The following GPR137B variants were observed in gnomAD, a reference collection of about 807,000 sequenced individuals.
GPR137B encodes G protein-coupled receptor 137B.
Under a neutral mutation model 42.5 loss-of-function variants are expected in GPR137B, and 42 were observed. That is an observed-to-expected ratio of 0.99 (90% confidence interval 0.77 to 1.28). GPR137B has a LOEUF of 1.28. Ranked by LOEUF, GPR137B falls within the 50% of genes most tolerant of loss-of-function variation. GPR137B has a pLI of 0.00. For synonymous variants in GPR137B, 218 were observed against 209.7 expected, an observed-to-expected ratio of 1.04 and a Z score of -0.34; for missense variants, 487 against 493.9, an observed-to-expected ratio of 0.99 and a Z score of 0.13.
rs1460377174 is a variant in GPR137B at position 236,186,272 on chromosome 1, T to TAAATA, written c.966+2367_966+2368insAATAA. Among the ~76,000 whole-genome samples the TAAATA allele has an allele frequency of 6.2e-4, 46 of 74,158 alleles. 11 individuals are homozygous for TAAATA. The highest frequency in any genetic ancestry group is 1.8e-3 in the African/African-American group (33 of 18,496). The allele number at this position is 74,158 out of a possible 152,430, so 48.7% of individuals were successfully genotyped here. A position where few individuals can be genotyped will look rare whatever the true frequency, so the allele number is the denominator to read the frequency against. On this transcript the variant is annotated intron_variant, in intron 5 of 6. Transcript: ENST00000366592. ...AATATATAATATATATTATATATTATATATAATAATATAAATAATATATAA... is the reference window on the plus strand; with the variant it reads ...AATATATAATATATATTATATATTATAAATAATATAATAATATAAATAATATATAA...
rs1195717699 is a variant in GPR137B, at chr1:236,186,251, T to TAA, written c.966+2346_966+2347insAA. 1.0e-3 allele frequency among the ~76,000 whole-genome samples: 41 copies of TAA among 41,186 alleles called. 1 individual carries two copies. The highest frequency in any genetic ancestry group is 1.4e-3 in the Non-Finnish European group (30 of 22,040). The allele number at this position is 41,186 out of a possible 152,430, so 27.0% of individuals were successfully genotyped here. A position where few individuals can be genotyped will look rare whatever the true frequency, so the allele number is the denominator to read the frequency against. ...ATAATATATAATAATATAAATAATA[T>TAA]ATAATATATATTATATATTATATAT... is the stretch of plus-strand genomic sequence containing the variant. On this transcript the variant is annotated intron_variant, in intron 5 of 6. Coordinates refer to ENST00000366592, the MANE Select transcript of GPR137B (RefSeq NM_003272.4).
At position 236,173,342 on chromosome 1, in the gene GPR137B, AAGAG is replaced by A. The variant is rs372090520; in HGVS notation, c.464+4597_464+4600del. Among the ~76,000 whole-genome samples the A allele has an allele frequency of 5.4e-5, 8 of 148,812 alleles. No homozygotes were observed. The East Asian group carries it at 6.0e-4, about 11-fold the overall frequency. The stretch of plus-strand genomic sequence containing the variant: ...AGGATGAAAGGAAGGGAGGGAGGGA[AAGAG>A]AGAGAGAGAAAGGAAGAAACGAAGG... On this transcript the variant is annotated intron_variant, in intron 2 of 6. Coordinates refer to ENST00000366592, the MANE Select transcript of GPR137B (RefSeq NM_003272.4).
intron 4 of GPR137B, among the ~76,000 whole-genome samples, chr1:236,182,933 T>C (rs988635165): frequency 3.9e-5 from 6 of 151,990 alleles, no homozygotes; most frequent in African/African-American, 1.5e-4. Flanking sequence ...AAAGAACACA[T>C]GATGGAGATG....
intron 5 of GPR137B, among the ~76,000 whole-genome samples, chr1:236,187,404 C>G (rs1465374661): frequency 1.3e-5 from 2 of 152,054 alleles, no homozygotes; most frequent in African/African-American, 4.8e-5. Flanking sequence ...AAGTCTTTGC[C>G]CATGCCTATG....
At chr1:236,207,096 C>CTT in intron 6 of GPR137B, 2 of 974,076 alleles carry the variant, frequency 2.1e-6, no homozygotes, top group Non-Finnish European at 2.4e-6. Context: ...CTTTAGAAAA[C>CTT]TTTTTAAGAG....
chr1:236,180,671 G>A (rs984622048), intron 4 of GPR137B, among the ~76,000 whole-genome samples: 2 of 123,054 alleles, frequency 1.6e-5, no homozygotes, highest in South Asian at 2.5e-4. Context: ...TTTCACTCTT[G>A]TTGCCCAGGC....
chr1:236,201,009 T>C (rs1386781655), intron 5 of GPR137B, among the ~76,000 whole-genome samples: 1 of 152,020 alleles, frequency 6.6e-6, no homozygotes, highest in Non-Finnish European at 1.5e-5. Flanking sequence ...TTTTAGCATT[T>C]CTTGTAGTGC....
chr1:236,168,734 C>G lies in GPR137B; in HGVS notation c.443C>G (p.Ser148Cys), dbSNP rs376888083. 1.2e-4 allele frequency: 190 copies of G among 1,611,724 alleles called. No individual in the cohort carries two copies. Among genetic ancestry groups the G allele is most frequent in the Non-Finnish European group, 1.4e-4 (169 of 1,177,910 alleles). The change falls in exon 2 of 7, where the codon TCT becomes TGT. Residue 148 changes from serine to cysteine, a missense_variant. Coordinates refer to ENST00000366592, the MANE Select transcript of GPR137B (RefSeq NM_003272.4). ...ATTTTCAAAGCCAAGTCAAAATATTCTCCAGAATTACTCAAATACCGGTAA... is the reference window on the plus strand; with the variant it reads ...ATTTTCAAAGCCAAGTCAAAATATTGTCCAGAATTACTCAAATACCGGTAA... ...QVIFKAKSKY[S>C]PELLKYRLPL...
intron 5 of GPR137B, among the ~76,000 whole-genome samples, chr1:236,193,886 TTTATC>T (rs1663264539): frequency 6.6e-6 from 1 of 152,210 alleles, no homozygotes; most frequent in Admixed American, 6.5e-5. Flanking sequence ...GTCCACTGTA[TTTATC>T]TTTTGTTGCT....
chr1:236,178,661 C>T lies in GPR137B; in HGVS notation c.687+25C>T, dbSNP rs1239837125. 4 of 1,385,030 alleles carry T rather than the reference C, an allele frequency of 2.9e-6. No homozygotes were observed. The South Asian group carries it at 3.5e-5, about 12-fold the overall frequency. 85.8% of individuals were successfully genotyped at this position (1,385,030 alleles called of 1,614,324 possible). On this transcript the variant is annotated intron_variant, in intron 3 of 6. Transcript: ENST00000366592. ...GGTAGGTGGAAATGTGGTCAAGATC[C>T]CTCCCATGAAACGTGTTCTAAAAAG...
chr1:236,194,779 T>C (rs961729833), intron 5 of GPR137B, among the ~76,000 whole-genome samples: 3 of 152,128 alleles, frequency 2.0e-5, no homozygotes, highest in African/African-American at 7.2e-5. Flanking sequence ...AGACCAGTCA[T>C]TGGAAATTTT....
At chr1:236,192,908 A>G (rs72632300) in intron 5 of GPR137B, among the ~76,000 whole-genome samples, 23,038 of 79,908 alleles carry the variant, frequency 0.29, 1,939 homozygotes, top group East Asian at 0.53. Context: ...TTGTTTGTTT[A>G]TTTGGATACA....
chr1:236,153,833 T>C (rs1350237140), intron 1 of GPR137B, among the ~76,000 whole-genome samples: 1 of 152,234 alleles, frequency 6.6e-6, no homozygotes, highest in African/African-American at 2.4e-5. Flanking sequence ...CCAGTGGTTT[T>C]TGCTGCTATT....
At chr1:236,206,016 AATTATAC>A (rs1399061449) in intron 6 of GPR137B, among the ~76,000 whole-genome samples, 1 of 152,234 alleles carries the variant, frequency 6.6e-6, no homozygotes, top group Admixed American at 6.5e-5. Context: ...TATTAGAATA[AATTATAC>A]ATTATAAAGG....
At position 236,189,527 on chromosome 1, in the gene GPR137B, C is replaced by T. The variant is rs774117804; in HGVS notation, c.966+5621C>T. ...ATTCTGGTACATTATGTCTTTTTCT[C>T]ATTGGTTTCAAAGAAGATCTTTATT... On this transcript the variant is annotated intron_variant, in intron 5 of 6. Coordinates refer to ENST00000366592, the MANE Select transcript of GPR137B (RefSeq NM_003272.4). 5.1e-4 allele frequency among the ~76,000 whole-genome samples: 78 copies of T among 152,236 alleles called. 1 individual carries two copies. The highest frequency in any genetic ancestry group is 1.5e-3 in the East Asian group (8 of 5,180).
chr1:236,191,468 T>C (rs1369507507), intron 5 of GPR137B, among the ~76,000 whole-genome samples: 1 of 152,176 alleles, frequency 6.6e-6, no homozygotes, highest in African/African-American at 2.4e-5. Flanking sequence ...TTTCTCCCTA[T>C]CTTTGTGGAT....
chr1:236,142,937 G>A lies in GPR137B; in HGVS notation c.315G>A (p.Ala105=), dbSNP rs774932697. 1.9e-6 allele frequency: 3 copies of A among 1,614,038 alleles called. No individual in the cohort carries two copies. The highest frequency in any genetic ancestry group is 2.5e-6 in the Non-Finnish European group (3 of 1,179,990). ...CCTTCTACTTCAAAGACTTCGTGGCGGCCAATTCGCTCAGCCCCTTCGTCT... is the reference window on the plus strand; with the variant it reads ...CCTTCTACTTCAAAGACTTCGTGGCAGCCAATTCGCTCAGCCCCTTCGTCT... ...LFSFYFKDFV[A]ANSLSPFVFW... The change falls in exon 1 of 7, where the codon GCG becomes GCA. Residue 105 remains alanine, a synonymous_variant. Coordinates refer to ENST00000366592, the MANE Select transcript of GPR137B (RefSeq NM_003272.4).
intron 1 of GPR137B, 40 bp from the exon 2 acceptor site, chr1:236,168,666 A>G (rs751838364): frequency 2.9e-5 from 45 of 1,544,922 alleles, no homozygotes; most frequent in Admixed American, 2.5e-4. Flanking sequence ...TTCTGTCAAC[A>G]TATTGGACCC....
chr1:236,163,583 C>T (rs975519822), intron 1 of GPR137B, among the ~76,000 whole-genome samples: 11 of 152,018 alleles, frequency 7.2e-5, no homozygotes, highest in African/African-American at 2.7e-4. Context: ...TCACGGGGGC[C>T]GGTCTTTCTT....
Sources: allele counts gnomAD v4.1 joint callset (sites outside exome capture counted in the v4.1 genomes callset), GRCh38; gene constraint gnomAD v4.1.1; transcripts MANE v1.5; gene names NCBI Gene and HGNC (gene_info 2026-07-23, HGNC 2026-07-21).